The following AR variants were observed in gnomAD, a reference collection of about 807,000 sequenced individuals.
AR encodes dihydrotestosterone receptor.
Under a neutral mutation model 53.9 loss-of-function variants are expected in AR, and 8 were observed. That is an observed-to-expected ratio of 0.15 (90% CI 0.09 to 0.27). The LOEUF is 0.27. Ranked by LOEUF, AR falls within the 10% of genes least tolerant of loss-of-function variation. The pLI, the probability that AR is intolerant of heterozygous loss-of-function variation, is 1.00. For missense variants in AR, 639 were observed against 742.5 expected (o/e 0.86, Z 1.62); for synonymous variants, 359 against 316.4 (o/e 1.13, Z -1.43).
chrX:67,643,237 G>A lies in AR; in HGVS notation c.1617-19G>A, dbSNP rs181080818. 2.5e-6 allele frequency: 3 copies of A among 1,211,156 alleles called. No homozygotes were observed. The South Asian group carries it at 5.3e-5, about 21-fold the overall frequency. ...CCATTCAGTGACATGTGTTGCATTG[G>A]TTTTTTGTGTCTTTCCAGTTTGGAG... On this transcript the variant is annotated intron_variant, in intron 1 of 7. Coordinates refer to ENST00000374690, the MANE Select transcript of AR (RefSeq NM_000044.6).
intron 1 of AR, among the ~76,000 whole-genome samples, chrX:67,601,603 T>G (rs1416791013): frequency 2.7e-5 from 3 of 112,194 alleles, no homozygotes; most frequent in Admixed American, 9.5e-5. Flanking sequence ...GATAGGTACT[T>G]CTACATTTAT....
chrX:67,724,036 C>T lies in AR; in HGVS notation c.*195C>T. 1.9e-6 allele frequency: 1 copy of T among 515,444 alleles called. No homozygotes were observed. 42.5% of individuals were successfully genotyped at this position (515,444 alleles called of 1,213,427 possible). On this transcript the variant is annotated 3_prime_UTR_variant, in exon 8 of 8. Coordinates refer to ENST00000374690, the MANE Select transcript of AR (RefSeq NM_000044.6). ...CTTTCTCTCCTTTCTTTTTCTTCTT[C>T]CCTCCCTATCTAACCCTCCCATGGC... is the stretch of plus-strand genomic sequence containing the variant.
chrX:67,677,548 A>G (rs1011716783), intron 2 of AR, among the ~76,000 whole-genome samples: 1 of 112,299 alleles, frequency 8.9e-6, no homozygotes, highest in Non-Finnish European at 1.9e-5. Context: ...CTTGCAAAAT[A>G]GACAGAGGCT....
intron 2 of AR, among the ~76,000 whole-genome samples, chrX:67,653,348 G>C (rs1377066584): frequency 8.9e-6 from 1 of 111,838 alleles, no homozygotes; most frequent in East Asian, 2.8e-4. Flanking sequence ...GATTACTGCT[G>C]TACTAAAAGT....
intron 1 of AR, among the ~76,000 whole-genome samples, chrX:67,595,835 A>T (rs1384236258): frequency 9.0e-6 from 1 of 111,313 alleles, no homozygotes; most frequent in Non-Finnish European, 1.9e-5. Context: ...TAAACAAATA[A>T]GTAAATAATT....
intron 2 of AR, among the ~76,000 whole-genome samples, chrX:67,663,787 C>A (rs923122750): frequency 1.8e-5 from 2 of 112,238 alleles, no homozygotes; most frequent in Non-Finnish European, 3.8e-5. Context: ...TTGGTCTTTT[C>A]ACATAGTCCC....
chrX:67,656,744 G>A (rs939506106), intron 2 of AR, among the ~76,000 whole-genome samples: 5 of 110,692 alleles, frequency 4.5e-5, no homozygotes, highest in East Asian at 2.9e-4. Flanking sequence ...GTCAGGCCTC[G>A]TGCTGGATGG....
rs757593185 is a variant in AR, at chrX:67,728,492, G to A, written c.*4651G>A. 8 of 129,860 alleles carry A rather than the reference G, an allele frequency of 6.2e-5. No homozygotes were observed. Among genetic ancestry groups the A allele is most frequent in the Non-Finnish European group, 1.2e-4 (8 of 68,106 alleles). The allele number at this position is 129,860 out of a possible 1,213,427, so 10.7% of individuals were successfully genotyped here. On this transcript the variant is annotated 3_prime_UTR_variant, in exon 8 of 8. Coordinates refer to ENST00000374690, the MANE Select transcript of AR (RefSeq NM_000044.6). ...ATCCTTATTTCTGCCCACTTTGGAT[G>A]GCACAAAAAGTTATCTGCAGTTGAA...
chrX:67,651,014 G>T (rs184474021), intron 2 of AR, among the ~76,000 whole-genome samples: 1 of 110,619 alleles, frequency 9.0e-6, no homozygotes, highest in East Asian at 2.9e-4. Flanking sequence ...CTTCCAGGAG[G>T]TTATAGCTTA....
chrX:67,685,761 G>A (rs1283147173), intron 2 of AR, among the ~76,000 whole-genome samples: 4 of 110,797 alleles, frequency 3.6e-5, no homozygotes, highest in Non-Finnish European at 7.6e-5. Context: ...CCTAATAGTG[G>A]AGATATCATC....
chrX:67,649,788 A>T (rs1000738978), intron 2 of AR, among the ~76,000 whole-genome samples: 1 of 111,932 alleles, frequency 8.9e-6, no homozygotes, highest in Non-Finnish European at 1.9e-5. Flanking sequence ...CCTTTGTCAG[A>T]TGGATAGATT....
At chrX:67,580,379 C>T (rs1163270644) in intron 1 of AR, among the ~76,000 whole-genome samples, 2 of 111,443 alleles carry the variant, frequency 1.8e-5, no homozygotes, top group Non-Finnish European at 3.8e-5. Context: ...CTTTGGATTT[C>T]CTTATTATGG....
chrX:67,714,792 C>G (rs1429395010), intron 4 of AR, among the ~76,000 whole-genome samples: 2 of 111,615 alleles, frequency 1.8e-5, no homozygotes, highest in Non-Finnish European at 3.8e-5. Context: ...GCTACTCTTT[C>G]CTCAAGTAAT....
At position 67,544,977 on chromosome X, in the gene AR, A is replaced by G; in HGVS notation, c.-170A>G. 3.0e-6 allele frequency: 2 copies of G among 668,829 alleles called. No homozygotes were observed. Among genetic ancestry groups the G allele is most frequent in the Non-Finnish European group, 4.3e-6 (2 of 462,361 alleles). 55.1% of individuals were successfully genotyped at this position (668,829 alleles called of 1,213,427 possible). On this transcript the variant is annotated 5_prime_UTR_variant, in exon 1 of 8. Transcript: ENST00000374690. ...TTCTGCACGAGACTTTGAGGCTGTCAGAGCGCTTTTTGCGTGGTTGCTCCC... is the reference window on the plus strand; with the variant it reads ...TTCTGCACGAGACTTTGAGGCTGTCGGAGCGCTTTTTGCGTGGTTGCTCCC...
At position 67,546,707 on chromosome X, in the gene AR, A is replaced by G. The variant is rs2147323135; in HGVS notation, c.1561A>G (p.Lys521Glu). ...GCCCTATCCCAGTCCCACTTGTGTC[A>G]AAAGCGAAATGGGCCCCTGGATGGA... is the stretch of plus-strand genomic sequence containing the variant. ...RVPYPSPTCV[K>E]SEMGPWMDSY... The change falls in exon 1 of 8, where the codon AAA becomes GAA. Residue 521 changes from lysine (K) to glutamate (E), a missense_variant. This residue lies in a region of AR where 423 missense variants were observed against 377.0 expected (regional missense o/e 1.12). Coordinates refer to ENST00000374690, the MANE Select transcript of AR (RefSeq NM_000044.6). 2.5e-6 allele frequency: 3 copies of G among 1,208,931 alleles called. No homozygotes were observed. The highest frequency in any genetic ancestry group is 3.4e-6 in the Non-Finnish European group (3 of 894,187).
At chrX:67,645,738 A>G (rs1024724291) in intron 2 of AR, among the ~76,000 whole-genome samples, 11 of 110,349 alleles carry the variant, frequency 1.0e-4, no homozygotes, top group African/African-American at 3.6e-4. Context: ...ACACACACAC[A>G]CACGCACACA....
chrX:67,683,369 T>A (rs1235164658), intron 2 of AR, among the ~76,000 whole-genome samples: 1 of 111,206 alleles, frequency 9.0e-6, no homozygotes, highest in Non-Finnish European at 1.9e-5. Flanking sequence ...AGTTTCTTGC[T>A]TACCAGTAAT....
chrX:67,631,405 G>C (rs1434390258), intron 1 of AR, among the ~76,000 whole-genome samples: 1 of 111,535 alleles, frequency 9.0e-6, no homozygotes, highest in East Asian at 2.8e-4. Context: ...TTCCATCGCT[G>C]ATACCCTTTC....
chrX:67,648,864 G>C (rs1280381649), intron 2 of AR, among the ~76,000 whole-genome samples: 1 of 111,784 alleles, frequency 8.9e-6, no homozygotes, highest in African/African-American at 3.3e-5. Flanking sequence ...CAATTTCCTA[G>C]TCCCTTATTA....
Sources: gnomAD v4.1 joint callset for allele counts (sites outside exome capture counted in the v4.1 genomes callset) on GRCh38, gnomAD v4.1.1 for gene constraint, gnomAD v4.1.1 regional missense constraint, MANE v1.5 for transcripts, NCBI Gene and HGNC (gene_info 2026-07-23, HGNC 2026-07-21) for gene names.